Variants in FLRT2 observed in about 807,000 individuals in gnomAD.
The protein encoded by FLRT2 is leucine-rich repeat transmembrane protein FLRT2.
Under a neutral mutation model 40.0 loss-of-function variants are expected in FLRT2, and 15 were observed. That is an observed-to-expected ratio of 0.38 (90% CI 0.25 to 0.58). The LOEUF (loss-of-function observed/expected upper bound fraction) is 0.58, where lower values mean the gene tolerates loss of function less well. Among genes scored for constraint, FLRT2 ranks in the 20% least tolerant of loss-of-function variants. The pLI, the probability that FLRT2 is intolerant of heterozygous loss-of-function variation, is 0.71. For missense variants in FLRT2, 726 were observed against 840.0 expected, an observed-to-expected ratio of 0.86 and a Z score of 1.68; for synonymous variants, 380 against 336.8, an observed-to-expected ratio of 1.13 and a Z score of -1.41.
In FLRT2 at chr14:85,623,742, A is replaced by G; in HGVS notation, c.*245A>G. 1 of 365,932 alleles carries G rather than the reference A, an allele frequency of 2.7e-6. No individual in the cohort carries two copies. Among genetic ancestry groups the G allele is most frequent in the Non-Finnish European group, 5.0e-6 (1 of 198,922 alleles). The allele number at this position is 365,932 out of a possible 1,614,324, so 22.7% of individuals were successfully genotyped here. Reference sequence around the variant, plus strand: ...GCTTTTTAAATCTTAAAAAAAAAAAAGTTGCTGAAGTACTGTACAGGGTTG... The same window carrying G: ...GCTTTTTAAATCTTAAAAAAAAAAAGGTTGCTGAAGTACTGTACAGGGTTG... On this transcript the variant is annotated 3_prime_UTR_variant, in exon 2 of 2. Coordinates refer to ENST00000330753, the MANE Select transcript of FLRT2 (RefSeq NM_013231.6).
chr14:85,556,403 A>C (rs1053023520), intron 1 of FLRT2, among the ~76,000 whole-genome samples: 7 of 152,190 alleles, frequency 4.6e-5, no homozygotes, highest in Admixed American at 6.5e-5. Flanking sequence ...GTTAGTGATA[A>C]AATACTGTTG....
At chr14:85,533,711 G>A (rs1035086398) in intron 1 of FLRT2, among the ~76,000 whole-genome samples, 22 of 151,960 alleles carry the variant, frequency 1.4e-4, no homozygotes, top group East Asian at 1.2e-3. Flanking sequence ...GAGGACGGGG[G>A]AAGACGATGC....
rs1306547889 is a variant in FLRT2, at chr14:85,654,208, G to A, written c.*30711G>A. On this transcript the variant is annotated 3_prime_UTR_variant, in exon 2 of 2. Coordinates refer to ENST00000330753, the MANE Select transcript of FLRT2 (RefSeq NM_013231.6). ...AATTGTGATTTGTTTATGACTAACA[G>A]CATGGATTTGAGACAGTTATGAAAA... 1 of 152,140 alleles carries A rather than the reference G, an allele frequency of 6.6e-6. No individual in the cohort carries two copies. Among genetic ancestry groups the A allele is most frequent in the African/African-American group, 2.4e-5 (1 of 41,424 alleles). The allele number at this position is 152,140 out of a possible 1,614,324, so 9.4% of individuals were successfully genotyped here.
intron 1 of FLRT2, among the ~76,000 whole-genome samples, chr14:85,570,484 A>G (rs1022801629): frequency 6.6e-6 from 1 of 152,026 alleles, no homozygotes; most frequent in East Asian, 1.9e-4. Context: ...TTAATGAAAG[A>G]GCAAAGAGTG....
In FLRT2 at chr14:85,641,106, C is replaced by T. The variant is rs1894138848; in HGVS notation, c.*17609C>T. On this transcript the variant is annotated 3_prime_UTR_variant, in exon 2 of 2. Transcript: ENST00000330753. ...TCTATGACTTATTTCTGCGAAAACC[C>T]ACGAAAGTGAAAACTAACAATAGAG... The T allele has an allele frequency of 6.6e-6, 1 of 152,124 alleles. No individual in the cohort carries two copies. Among genetic ancestry groups the T allele is most frequent in the Non-Finnish European group, 1.5e-5 (1 of 68,024 alleles). 9.4% of individuals were successfully genotyped at this position (152,124 alleles called of 1,614,324 possible).
At chr14:85,533,412 T>G (rs1394690928) in intron 1 of FLRT2, among the ~76,000 whole-genome samples, 1 of 151,916 alleles carries the variant, frequency 6.6e-6, no homozygotes. Flanking sequence ...GAGCGAGCCC[T>G]GCGCCCGCCC....
rs1014385948 is a variant in FLRT2 at position 85,622,712 on chromosome 14, C to G, written c.1198C>G (p.Pro400Ala). ...NPSRSYTPPT[P>A]TTSKLPTIPD... ...TAGCAGAAGCTACACGCCTCCAACTCCTACCACATCGAAACTTCCCACGAT... is the reference window on the plus strand; with the variant it reads ...TAGCAGAAGCTACACGCCTCCAACTGCTACCACATCGAAACTTCCCACGAT... The change falls in exon 2 of 2, where the codon CCT (proline) becomes GCT (alanine). Residue 400 changes from proline (P) to alanine (A), a missense_variant. By Grantham distance (27) the Pro-to-Ala change is conservative. Around this residue, in one of 3 missense-constraint regions of FLRT2, gnomAD observed 611 missense variants for 690.0 expected, o/e 0.89. Transcript: ENST00000330753. 6.1e-5 allele frequency: 98 copies of G among 1,614,020 alleles called. No individual in the cohort carries two copies. Among genetic ancestry groups the G allele is most frequent in the Non-Finnish European group, 7.7e-5 (91 of 1,180,032 alleles).
chr14:85,534,854 C>T (rs1888549315), intron 1 of FLRT2, among the ~76,000 whole-genome samples: 1 of 151,196 alleles, frequency 6.6e-6, no homozygotes, highest in Non-Finnish European at 1.5e-5. Context: ...GCCCCCTTTC[C>T]CCCAACTGAG....
chr14:85,600,066 T>A (rs1186461509), intron 1 of FLRT2, among the ~76,000 whole-genome samples: 1 of 152,180 alleles, frequency 6.6e-6, no homozygotes, highest in African/African-American at 2.4e-5. Flanking sequence ...TCAGCTCATT[T>A]ATGGGGGTAG....
chr14:85,606,896 C>T lies in FLRT2; in HGVS notation c.-376-14243C>T, dbSNP rs143564567. ...TCAAACTTCTTGCATTATTACACCCCCTTCCCCCACACCCCCTGCCACCAT... is the reference window on the plus strand; with the variant it reads ...TCAAACTTCTTGCATTATTACACCCTCTTCCCCCACACCCCCTGCCACCAT... On this transcript the variant is annotated intron_variant, in intron 1 of 1. Transcript: ENST00000330753. 2.0e-5 allele frequency among the ~76,000 whole-genome samples: 3 copies of T among 151,372 alleles called. No individual in the cohort carries two copies. The East Asian group carries it at 5.9e-4, about 30-fold the overall frequency.
intron 1 of FLRT2, among the ~76,000 whole-genome samples, chr14:85,612,022 C>T (rs1156795003): frequency 3.2e-5 from 4 of 124,996 alleles, no homozygotes; most frequent in African/African-American, 1.3e-4. Flanking sequence ...TGCACAAGGC[C>T]TGGGTGACAT....
chr14:85,617,293 C>A (rs927486473), intron 1 of FLRT2, among the ~76,000 whole-genome samples: 1 of 152,202 alleles, frequency 6.6e-6, no homozygotes, highest in Non-Finnish European at 1.5e-5. Context: ...ACATAGAGAA[C>A]AATCAGCATT....
intron 1 of FLRT2, among the ~76,000 whole-genome samples, chr14:85,537,597 A>AACAC (rs146056490): frequency 6.7e-5 from 10 of 149,954 alleles, no homozygotes; most frequent in African/African-American, 9.8e-5. Context: ...TTTATAGTAA[A>AACAC]ACACACACAC....
At position 85,641,820 on chromosome 14, in the gene FLRT2, A is replaced by C. The variant is rs557860596; in HGVS notation, c.*18323A>C. On this transcript the variant is annotated 3_prime_UTR_variant, in exon 2 of 2. Transcript: ENST00000330753. ...TTTGAAAGTAGAGACAATCTTATTCATGCATAATGGATCACTGATAATTTT... is the reference window on the plus strand; with the variant it reads ...TTTGAAAGTAGAGACAATCTTATTCCTGCATAATGGATCACTGATAATTTT... 6.6e-6 allele frequency: 1 copy of C among 152,004 alleles called. No homozygotes were observed. Among genetic ancestry groups the C allele is most frequent in the African/African-American group, 2.4e-5 (1 of 41,382 alleles). The allele number at this position is 152,004 out of a possible 1,614,324, so 9.4% of individuals were successfully genotyped here.
chr14:85,630,310 T>C lies in FLRT2; in HGVS notation c.*6813T>C, dbSNP rs1893834908. On this transcript the variant is annotated 3_prime_UTR_variant, in exon 2 of 2. Transcript: ENST00000330753. ...CTTTTTTTTTTTTTTTTTTTTTTGG[T>C]ATGAAGTCTAAACTAGACGAAAACC... 8.9e-6 allele frequency: 1 copy of C among 111,796 alleles called. No individual in the cohort carries two copies. The highest frequency in any genetic ancestry group is 3.6e-5 in the African/African-American group (1 of 27,928). 6.9% of individuals were successfully genotyped at this position (111,796 alleles called of 1,614,324 possible).
rs28364859 is a variant in FLRT2, at chr14:85,624,759, C to T, written c.*1262C>T. ...TCTTGGCTGCACAAGATATCCATTA[C>T]GTACTTATACATTTTAAAATGAGTA... On this transcript the variant is annotated 3_prime_UTR_variant, in exon 2 of 2. Coordinates refer to ENST00000330753, the MANE Select transcript of FLRT2 (RefSeq NM_013231.6). 55 of 167,102 alleles carry T rather than the reference C, an allele frequency of 3.3e-4. No individual in the cohort carries two copies. The highest frequency in any genetic ancestry group is 3.1e-3 in the East Asian group (16 of 5,182). The allele number at this position is 167,102 out of a possible 1,614,324, so 10.4% of individuals were successfully genotyped here.
In FLRT2 at chr14:85,649,942, T is replaced by G. The variant is rs1454497798; in HGVS notation, c.*26445T>G. 1 of 152,032 alleles carries G rather than the reference T, an allele frequency of 6.6e-6. No individual in the cohort carries two copies. Among genetic ancestry groups the G allele is most frequent in the East Asian group, 1.9e-4 (1 of 5,190 alleles). 9.4% of individuals were successfully genotyped at this position (152,032 alleles called of 1,614,324 possible). ...TATTTCATTATTTTTTATTAGAAAA[T>G]ATTTTAATAACACAAGAAAGTAAAG... On this transcript the variant is annotated 3_prime_UTR_variant, in exon 2 of 2. Transcript: ENST00000330753.
At chr14:85,531,406 G>A (rs1888267851) in intron 1 of FLRT2, among the ~76,000 whole-genome samples, 1 of 152,224 alleles carries the variant, frequency 6.6e-6, no homozygotes. Flanking sequence ...GCGCTGACCA[G>A]TACGGGGCTC....
rs1484053859 is a variant in FLRT2, at chr14:85,646,876, G to A, written c.*23379G>A. ...ATCATCCTTCCTCTCTGATGGTATGGTTATGTGGACCAGAACTGAAGTTTA... is the reference window on the plus strand; with the variant it reads ...ATCATCCTTCCTCTCTGATGGTATGATTATGTGGACCAGAACTGAAGTTTA... On this transcript the variant is annotated 3_prime_UTR_variant, in exon 2 of 2. Coordinates refer to ENST00000330753, the MANE Select transcript of FLRT2 (RefSeq NM_013231.6). The A allele has an allele frequency of 6.6e-6, 1 of 152,066 alleles. No homozygotes were observed. Among genetic ancestry groups the A allele is most frequent in the Non-Finnish European group, 1.5e-5 (1 of 68,040 alleles). 9.4% of individuals were successfully genotyped at this position (152,066 alleles called of 1,614,324 possible).
Sources: allele counts gnomAD v4.1 joint callset (sites outside exome capture counted in the v4.1 genomes callset), GRCh38; gene constraint gnomAD v4.1.1; regional missense constraint gnomAD v4.1.1; transcripts MANE v1.5; gene names NCBI Gene and HGNC (gene_info 2026-07-23, HGNC 2026-07-21).